The following COPA variants were observed in gnomAD, a reference collection of about 807,000 sequenced individuals.
COPA encodes the protein coatomer subunit alpha.
In COPA, 10 loss-of-function variants were observed where a neutral mutation model predicts 158.7. The ratio of observed to expected loss-of-function variants is 0.06; its 90% CI spans 0.04 to 0.11. The LOEUF is 0.11. COPA is among the 10% of genes least tolerant of loss of function. COPA has a pLI of 1.00. For missense variants in COPA, 1,065 were observed against 1,536.7 expected (o/e 0.69, Z 5.13); for synonymous variants, 462 against 542.8 (o/e 0.85, Z 2.07).
At chr1:160,314,629 CA>C (rs1004183397) in intron 8 of COPA, among the ~76,000 whole-genome samples, 1 of 152,066 alleles carries the variant, frequency 6.6e-6, no homozygotes, top group Non-Finnish European at 1.5e-5. Context: ...GACCCTGTCT[CA>C]AAAAAACAAA....
chr1:160,325,288 T>C (rs1659453970), intron 7 of COPA, among the ~76,000 whole-genome samples: 1 of 152,316 alleles, frequency 6.6e-6, no homozygotes, highest in South Asian at 2.1e-4. Flanking sequence ...TGCTTTGGGA[T>C]GGTGATGAGG....
chr1:160,291,326 T>G lies in COPA; in HGVS notation c.3420+9A>C, dbSNP rs1386437476. ...GCTTCCCTATGGTCACTGAAGGAGT[T>G]CCATCTACCTGTTGGGCCACCTCAG... On this transcript the variant is annotated intron_variant, in intron 31 of 32. Transcript: ENST00000241704. 6 of 1,613,004 alleles carry G rather than the reference T, an allele frequency of 3.7e-6. No homozygotes were observed. The highest frequency in any genetic ancestry group is 5.1e-6 in the Non-Finnish European group (6 of 1,179,814).
chr1:160,304,885 A>C (rs191790928), intron 17 of COPA, among the ~76,000 whole-genome samples: 32 of 152,322 alleles, frequency 2.1e-4, no homozygotes, highest in African/African-American at 6.7e-4. Context: ...TAATCATATA[A>C]TTATACAAAA....
intron 17 of COPA, among the ~76,000 whole-genome samples, chr1:160,303,287 A>G (rs533908518): frequency 1.3e-5 from 2 of 152,362 alleles, no homozygotes; most frequent in Admixed American, 6.5e-5. Flanking sequence ...AATAAACAAA[A>G]TAGGATCAAA....
Position 160,306,389 on chromosome 1 carries a change from C to T in COPA, c.1407G>A (p.Ala469=), listed in dbSNP as rs776931982. The T allele has an allele frequency of 2.8e-5, 45 of 1,612,868 alleles. No individual in the cohort carries two copies. Among genetic ancestry groups the T allele is most frequent in the Non-Finnish European group, 3.6e-5 (42 of 1,179,318 alleles). The change falls in exon 15 of 33, where the codon GCG becomes GCA. Residue 469 remains alanine, a synonymous_variant. Transcript: ENST00000241704. ...GTACGTCAAAGAGTGTGATAGAGTC[C>T]GCATCTCGAAGCAGGAGATTGCCTG... ...AGTGNLLLRD[A]DSITLFDVQQ...
intron 8 of COPA, among the ~76,000 whole-genome samples, chr1:160,322,513 T>C (rs190379801): frequency 1.3e-5 from 2 of 152,312 alleles, no homozygotes; most frequent in East Asian, 3.9e-4. Flanking sequence ...TCCCAGGACA[T>C]TGTCTGGGCA....
intron 1 of COPA, among the ~76,000 whole-genome samples, chr1:160,341,939 A>G (rs1204803362): frequency 6.6e-6 from 1 of 152,196 alleles, no homozygotes; most frequent in East Asian, 1.9e-4. Flanking sequence ...GAAAACTGAA[A>G]GATTATGAAG....
In COPA at chr1:160,290,559, T is replaced by C. The variant is rs1365822478; in HGVS notation, c.3548A>G (p.Glu1183Gly). Reference sequence around the variant, plus strand: ...GCAGGCCCCACTGAGTGGACACTTTTCTACTGGCTTTCCACGGTAGATGGG... The same window carrying C: ...GCAGGCCCCACTGAGTGGACACTTTCCTACTGGCTTTCCACGGTAGATGGG... ...YRPIYRGKPV[E>G]KCPLSGACYS... The change falls in exon 32 of 33, where the codon GAA becomes GGA. Residue 1183 changes from glutamate (E) to glycine (G), a missense_variant. This residue lies in a region of COPA where 980 missense variants were observed against 1,357.8 expected (regional missense o/e 0.72). Coordinates refer to ENST00000241704, the MANE Select transcript of COPA (RefSeq NM_004371.4). 1.2e-6 allele frequency: 2 copies of C among 1,614,102 alleles called. No individual in the cohort carries two copies.
intron 17 of COPA, 127 bp from the exon 18 acceptor site, chr1:160,299,391 T>A: frequency 1.1e-6 from 1 of 929,576 alleles, no homozygotes; most frequent in Non-Finnish European, 1.6e-6. Flanking sequence ...GGGAAGTGAT[T>A]CAAAAAAGAG....
chr1:160,307,456 G>C (rs560104589), intron 13 of COPA, among the ~76,000 whole-genome samples: 1 of 152,202 alleles, frequency 6.6e-6, no homozygotes, highest in African/African-American at 2.4e-5. Context: ...CCCCTGCCAA[G>C]GCTCTTTTCT....
Position 160,312,027 on chromosome 1 carries a change from C to G in COPA, c.926-9G>C. 1.2e-6 allele frequency: 2 copies of G among 1,609,856 alleles called. No homozygotes were observed. The highest frequency in any genetic ancestry group is 1.1e-5 in the South Asian group (1 of 90,424). On this transcript the variant is annotated splice_polypyrimidine_tract_variant and intron_variant, in intron 10 of 32. Transcript: ENST00000241704. ...CATACCACCATCATGGCCTGGGGGACAGGGAGAGGAGGAGAAAAAATTAAG... is the reference window on the plus strand; with the variant it reads ...CATACCACCATCATGGCCTGGGGGAGAGGGAGAGGAGGAGAAAAAATTAAG...
At chr1:160,312,118 A>G in intron 10 of COPA, 100 bp from the exon 11 acceptor site, 1 of 1,204,410 alleles carries the variant, frequency 8.3e-7, no homozygotes, top group Non-Finnish European at 1.2e-6. Flanking sequence ...CTGTAAGACA[A>G]GACACCTGAA....
chr1:160,320,542 G>A (rs915556663), intron 8 of COPA, among the ~76,000 whole-genome samples: 2 of 146,772 alleles, frequency 1.4e-5, no homozygotes, highest in Non-Finnish European at 3.0e-5. Context: ...CCAGGAGGTG[G>A]AGGCTGCAGT....
At position 160,325,613 on chromosome 1, in the gene COPA, G is replaced by A. The variant is rs767163438; in HGVS notation, c.536C>T (p.Ser179Leu). 5 of 1,614,006 alleles carry A rather than the reference G, an allele frequency of 3.1e-6. No homozygotes were observed. The highest frequency in any genetic ancestry group is 2.2e-5 in the East Asian group (1 of 44,898). The change falls in exon 7 of 33, where the codon TCG (serine) becomes TTG (leucine). Residue 179 changes from serine to leucine, a missense_variant. Coordinates refer to ENST00000241704, the MANE Select transcript of COPA (RefSeq NM_004371.4). ...AACCCCAGTTATTCCTCTCACATCC[G>A]ATTCCACCGCACCAGGGGACAGGTT... Reference protein sequence around the residue: ...KKNLSPGAVESDVRGITGVDL... With the variant: ...KKNLSPGAVELDVRGITGVDL...
At chr1:160,305,822 C>T in intron 15 of COPA, 49 bp from the exon 16 acceptor site, 1 of 1,507,602 alleles carries the variant, frequency 6.6e-7, no homozygotes, top group South Asian at 1.1e-5. Context: ...TTTCCCTTGT[C>T]TCAGGCTTTG....
intron 3 of COPA, 69 bp downstream of exon 3, chr1:160,339,840 C>A: frequency 7.1e-7 from 1 of 1,410,708 alleles, no homozygotes; most frequent in Non-Finnish European, 1.0e-6. Context: ...TCTTTCAGTT[C>A]CTTTCATGAT....
chr1:160,295,374 C>T (rs1183323769), intron 23 of COPA, among the ~76,000 whole-genome samples: 4 of 152,006 alleles, frequency 2.6e-5, no homozygotes, highest in Admixed American at 6.6e-5. Context: ...ACCCACATAC[C>T]GGAATTACAG....
At chr1:160,332,782 T>C (rs1647589926) in intron 5 of COPA, among the ~76,000 whole-genome samples, 1 of 152,222 alleles carries the variant, frequency 6.6e-6, no homozygotes, top group South Asian at 2.1e-4. Flanking sequence ...ATATTACTAA[T>C]TTCAGGAGGA....
chr1:160,340,019 C>G, intron 2 of COPA, 37 bp from the exon 3 acceptor site: 1 of 1,598,220 alleles, frequency 6.3e-7, no homozygotes, highest in East Asian at 2.2e-5. Context: ...TTAGACAGAG[C>G]TATCCTTTCT....
Sources: gnomAD v4.1 joint callset for allele counts (sites outside exome capture counted in the v4.1 genomes callset) on GRCh38, gnomAD v4.1.1 for gene constraint, gnomAD v4.1.1 regional missense constraint, MANE v1.5 for transcripts, NCBI Gene and HGNC (gene_info 2026-07-23, HGNC 2026-07-21) for gene names.